TFPI: variants seen among roughly 807,000 people sequenced by gnomAD.
TFPI encodes tissue factor pathway inhibitor, also known as anti-convertin.
In TFPI, 15 loss-of-function variants were observed where a neutral mutation model predicts 34.6. That is an observed-to-expected ratio of 0.43 (90% confidence interval 0.29 to 0.67). The LOEUF is 0.67. Ranked by LOEUF, TFPI falls within the 30% of genes least tolerant of loss-of-function variation. The probability of loss-of-function intolerance (pLI) is 0.15; values close to 1 mark genes in which losing one functional copy is unlikely to be tolerated. For synonymous variants in TFPI, 105 were observed against 120.1 expected, an observed-to-expected ratio of 0.87 and a Z score of 0.82; for missense variants, 301 against 364.0, an observed-to-expected ratio of 0.83 and a Z score of 1.41.
chr2:187,478,603 CTT>C, intron 6 of TFPI: 1 of 1,529,500 alleles, frequency 6.5e-7, no homozygotes. Context: ...AATATTAAAA[CTT>C]TATTAGCAGT....
intron 1 of TFPI, among the ~76,000 whole-genome samples, chr2:187,543,962 GAA>G (rs1688716446): frequency 6.6e-6 from 1 of 152,150 alleles, no homozygotes; most frequent in Admixed American, 6.5e-5. Flanking sequence ...GTGTATGATG[GAA>G]ATAAAAATAT....
intron 3 of TFPI, among the ~76,000 whole-genome samples, chr2:187,492,726 G>A (rs1184448580): frequency 2.6e-5 from 4 of 151,972 alleles, no homozygotes; most frequent in African/African-American, 9.7e-5. Flanking sequence ...CCTTTGTTTT[G>A]GCCAGTTTCT....
intron 3 of TFPI, among the ~76,000 whole-genome samples, chr2:187,489,692 C>T (rs900680441): frequency 2.6e-5 from 4 of 151,360 alleles, no homozygotes; most frequent in Non-Finnish European, 5.9e-5. Context: ...TTTAAAAGAA[C>T]ATCTATTTTG....
At chr2:187,482,963 G>A (rs1258634598) in intron 6 of TFPI, among the ~76,000 whole-genome samples, 10 of 151,900 alleles carry the variant, frequency 6.6e-5, no homozygotes. Context: ...CTTTAATCAT[G>A]TTTCAAATCC....
chr2:187,536,918 A>G (rs1179174706), intron 1 of TFPI, among the ~76,000 whole-genome samples: 1 of 151,458 alleles, frequency 6.6e-6, no homozygotes, highest in Non-Finnish European at 1.5e-5. Context: ...TGAAAAAACC[A>G]CAAGCATTCT....
At chr2:187,546,362 T>C (rs1574540793) in intron 1 of TFPI, among the ~76,000 whole-genome samples, 1 of 151,912 alleles carries the variant, frequency 6.6e-6, no homozygotes, top group South Asian at 2.1e-4. Flanking sequence ...ACTACTGATT[T>C]CCATACTAAC....
chr2:187,473,812 T>A (rs10186632), intron 6 of TFPI, among the ~76,000 whole-genome samples: 1 of 150,018 alleles, frequency 6.7e-6, no homozygotes, highest in African/African-American at 2.5e-5. Flanking sequence ...CTTTTTTTTT[T>A]CCCCCCGCAT....
chr2:187,474,561 A>G (rs1025956600), intron 6 of TFPI, among the ~76,000 whole-genome samples: 3 of 152,176 alleles, frequency 2.0e-5, no homozygotes, highest in African/African-American at 7.2e-5. Context: ...ACATGAAGCA[A>G]ACTCAACCAG....
intron 1 of TFPI, among the ~76,000 whole-genome samples, chr2:187,509,016 A>C (rs553977503): frequency 3.9e-5 from 6 of 152,252 alleles, no homozygotes; most frequent in African/African-American, 1.4e-4. Context: ...GAGGTGTTGA[A>C]TTTTATCGAG....
intron 1 of TFPI, among the ~76,000 whole-genome samples, chr2:187,523,961 A>C (rs1687550570): frequency 6.6e-6 from 1 of 152,134 alleles, no homozygotes; most frequent in South Asian, 2.1e-4. Context: ...TTCTGTCTCT[A>C]TGTATTGCCA....
chr2:187,535,368 C>T (rs549430792), intron 1 of TFPI, among the ~76,000 whole-genome samples: 241 of 152,078 alleles, frequency 1.6e-3, no homozygotes, highest in Non-Finnish European at 2.8e-3. Flanking sequence ...TGCAAAAGAA[C>T]GGAAATTATA....
chr2:187,503,916 A>G (rs899216427), intron 1 of TFPI, 146 bp from the exon 2 acceptor site: 24 of 767,416 alleles, frequency 3.1e-5, no homozygotes, highest in African/African-American at 3.0e-4. Flanking sequence ...TGCATACTCA[A>G]TGAGTCATAC....
At chr2:187,529,247 G>A (rs1687835717) in intron 1 of TFPI, 1 of 152,168 alleles carries the variant, frequency 6.6e-6, no homozygotes, top group South Asian at 2.1e-4. Context: ...TCTTCACCAG[G>A]TAAGAATACA....
At chr2:187,514,704 C>G (rs1298417269) in intron 1 of TFPI, 2 of 152,158 alleles carry the variant, frequency 1.3e-5, no homozygotes, top group East Asian at 1.9e-4. Context: ...AGTTGGCTAT[C>G]CCTTTCACCC....
intron 6 of TFPI, among the ~76,000 whole-genome samples, chr2:187,468,837 G>A (rs2105946800): frequency 6.6e-6 from 1 of 152,158 alleles, no homozygotes; most frequent in African/African-American, 2.4e-5. Flanking sequence ...AGTACTACAG[G>A]TAAGTTGTAT....
chr2:187,516,935 A>T (rs1256819161), intron 1 of TFPI: 1 of 152,170 alleles, frequency 6.6e-6, no homozygotes, highest in Non-Finnish European at 1.5e-5. Context: ...TAGAGTTGTA[A>T]GCCCCTAAAA....
chr2:187,513,822 G>C (rs571619511), intron 1 of TFPI: 7 of 152,268 alleles, frequency 4.6e-5, no homozygotes, highest in Non-Finnish European at 8.8e-5. Context: ...TGACCATCTA[G>C]TTATTAACAT....
At position 187,508,811 on chromosome 2, in the gene TFPI, G is replaced by A. The variant is rs113532040; in HGVS notation, c.-2-5041C>T. On this transcript the variant is annotated intron_variant, in intron 1 of 7. Transcript: ENST00000233156. ...TTTCTTTCTCTTGCCTGAGTGCCCCGGCCAGAACTTCCAATACTATGTTGA... is the reference window on the plus strand; with the variant it reads ...TTTCTTTCTCTTGCCTGAGTGCCCCAGCCAGAACTTCCAATACTATGTTGA... 2.6e-3 allele frequency among the ~76,000 whole-genome samples: 392 copies of A among 152,136 alleles called. 2 individuals carry two copies. The highest frequency in any genetic ancestry group is 8.9e-3 in the African/African-American group (368 of 41,500).
intron 6 of TFPI, among the ~76,000 whole-genome samples, chr2:187,479,546 C>CAT (rs35837997): frequency 0.043 from 2,732 of 63,080 alleles, 58 homozygotes; most frequent in East Asian, 0.05. Flanking sequence ...ATATCACGTT[C>CAT]ATATATATAT....
Sources: gnomAD v4.1 joint callset for allele counts (sites outside exome capture counted in the v4.1 genomes callset) on GRCh38, gnomAD v4.1.1 for gene constraint, MANE v1.5 for transcripts, NCBI Gene and HGNC (gene_info 2026-07-23, HGNC 2026-07-21) for gene names.